ATP8B4: variants seen among roughly 807,000 people sequenced by gnomAD.
ATP8B4 encodes probable phospholipid-transporting ATPase IM.
A neutral mutation model predicts 145.6 loss-of-function variants in ATP8B4; 133 were observed. The observed-to-expected ratio is 0.91, with a 90% confidence interval of 0.79 to 1.05. The LOEUF is 1.05. Among genes scored for constraint, ATP8B4 ranks in the 50% least tolerant of loss-of-function variants. The pLI, the probability that ATP8B4 is intolerant of heterozygous loss-of-function variation, is 0.00. For missense variants in ATP8B4, 1,458 were observed against 1,425.2 expected (o/e 1.02, Z -0.37); for synonymous variants, 507 against 492.9 (o/e 1.03, Z -0.38).
chr15:49,862,201 A>G, intron 27 of ATP8B4, 44 bp downstream of exon 27: 1 of 1,589,000 alleles, frequency 6.3e-7, no homozygotes, highest in South Asian at 1.1e-5. Context: ...CCATTTCAAG[A>G]GCCAAAAACC....
chr15:49,995,687 C>T (rs2047366023), intron 9 of ATP8B4, among the ~76,000 whole-genome samples: 2 of 152,154 alleles, frequency 1.3e-5, no homozygotes, highest in Admixed American at 1.3e-4. Context: ...TATGCTAATA[C>T]CCTTGTCCAT....
upstream of ATP8B4, among the ~76,000 whole-genome samples, chr15:50,121,651 T>C (rs1245628134): frequency 1.3e-5 from 2 of 152,008 alleles, no homozygotes; most frequent in Non-Finnish European, 2.9e-5. Flanking sequence ...AAATTCTCGA[T>C]TTAGGATACA....
At chr15:50,078,428 G>C (rs1274284564) in intron 2 of ATP8B4, among the ~76,000 whole-genome samples, 1 of 151,864 alleles carries the variant, frequency 6.6e-6, no homozygotes, top group African/African-American at 2.4e-5. Flanking sequence ...ACAAGAAAAA[G>C]TCCCTAGAAA....
chr15:50,147,438 A>T lies in ATP8B4; in HGVS notation c.-43+34823T>A, dbSNP rs983396394. 3.1e-3 allele frequency among the ~76,000 whole-genome samples: 424 copies of T among 137,026 alleles called. 1 individual carries two copies. Among genetic ancestry groups the T allele is most frequent in the Middle Eastern group, 4.1e-3 (1 of 242 alleles). The allele number at this position is 137,026 out of a possible 152,430, so 89.9% of individuals were successfully genotyped here. On this transcript the variant is annotated intron_variant, in intron 1 of 3. Coordinates refer to the ATP8B4 transcript ENST00000558829. ...CTGTCTCCAAAAAAAAAAAAAAAAAAAAAGTATATACTTCCTATTTTGTCC... is the reference window on the plus strand; with the variant it reads ...CTGTCTCCAAAAAAAAAAAAAAAAATAAAGTATATACTTCCTATTTTGTCC...
intron 14 of ATP8B4, among the ~76,000 whole-genome samples, chr15:49,958,549 G>C (rs2043789334): frequency 6.6e-6 from 1 of 151,494 alleles, no homozygotes; most frequent in Non-Finnish European, 1.5e-5. Flanking sequence ...CAACACATAA[G>C]AAATAATAAA....
At chr15:50,004,691 T>A (rs912067116) in intron 7 of ATP8B4, among the ~76,000 whole-genome samples, 2 of 152,184 alleles carry the variant, frequency 1.3e-5, no homozygotes, top group Non-Finnish European at 2.9e-5. Context: ...ATCTCCACTT[T>A]ACAGATGAGC....
intron 1 of ATP8B4, among the ~76,000 whole-genome samples, chr15:50,133,397 G>A (rs1254570711): frequency 6.6e-6 from 1 of 151,468 alleles, no homozygotes; most frequent in African/African-American, 2.4e-5. Flanking sequence ...TGTGCAATAT[G>A]GGGAAACTTC....
intron 23 of ATP8B4, among the ~76,000 whole-genome samples, chr15:49,893,196 T>C (rs190814924): frequency 6.6e-6 from 1 of 152,332 alleles, no homozygotes; most frequent in East Asian, 1.9e-4. Flanking sequence ...GAGTCAAATA[T>C]AGTAGTGTTT....
At chr15:49,863,474 A>G (rs183850368) in intron 26 of ATP8B4, among the ~76,000 whole-genome samples, 68 of 152,304 alleles carry the variant, frequency 4.5e-4, no homozygotes, top group African/African-American at 1.5e-3. Flanking sequence ...TATCACCAAA[A>G]TAAACTTTTG....
intron 12 of ATP8B4, among the ~76,000 whole-genome samples, chr15:49,979,146 T>C (rs906677471): frequency 1.3e-5 from 2 of 152,084 alleles, no homozygotes; most frequent in Non-Finnish European, 2.9e-5. Context: ...TTTTCTTCAT[T>C]TTTAAAATGA....
At chr15:50,112,567 T>C (rs989936936) in intron 1 of ATP8B4, among the ~76,000 whole-genome samples, 6 of 151,910 alleles carry the variant, frequency 3.9e-5, no homozygotes, top group African/African-American at 1.5e-4. Context: ...GGAGGCAGAG[T>C]GTTACACAGG....
At chr15:50,141,326 C>T (rs2044206344) in intron 1 of ATP8B4, among the ~76,000 whole-genome samples, 1 of 151,874 alleles carries the variant, frequency 6.6e-6, no homozygotes, top group South Asian at 2.1e-4. Context: ...GTGAAAGTTT[C>T]CAGACTCTCC....
chr15:50,018,954 C>G (rs1195606433), intron 6 of ATP8B4: 6 of 1,254,168 alleles, frequency 4.8e-6, no homozygotes, highest in Non-Finnish European at 6.3e-6. Context: ...GTCATTAAAC[C>G]CTCAGCTTTG....
chr15:49,959,345 T>C (rs955176638), intron 14 of ATP8B4, among the ~76,000 whole-genome samples: 2 of 152,038 alleles, frequency 1.3e-5, no homozygotes, highest in South Asian at 2.1e-4. Flanking sequence ...AATATATCTA[T>C]TCTAATCCAA....
At chr15:49,870,357 G>A (rs993577333) in intron 25 of ATP8B4, among the ~76,000 whole-genome samples, 2 of 152,132 alleles carry the variant, frequency 1.3e-5, no homozygotes, top group East Asian at 1.9e-4. Context: ...CATCATAGTA[G>A]TTAAAGAAGG....
intron 25 of ATP8B4, 123 bp downstream of exon 25, chr15:49,876,155 A>G: frequency 3.0e-6 from 4 of 1,338,018 alleles, no homozygotes; most frequent in Non-Finnish European, 4.0e-6. Flanking sequence ...TGTGTACTTA[A>G]AAGGACAGCC....
chr15:49,914,642 A>G (rs183306746), intron 20 of ATP8B4, among the ~76,000 whole-genome samples: 2 of 152,278 alleles, frequency 1.3e-5, no homozygotes, highest in Admixed American at 1.3e-4. Context: ...AAACAATCCC[A>G]TTAAAAAGCA....
intron 2 of ATP8B4, among the ~76,000 whole-genome samples, chr15:50,093,588 AAAG>A (rs138851803): frequency 0.011 from 1,618 of 152,202 alleles, 28 homozygotes; most frequent in African/African-American, 0.037. Flanking sequence ...AAGGCAATAA[AAAG>A]AAAATCAATG....
intron 2 of ATP8B4, among the ~76,000 whole-genome samples, chr15:50,085,140 A>G (rs1162172775): frequency 6.6e-6 from 1 of 151,996 alleles, no homozygotes; most frequent in African/African-American, 2.4e-5. Context: ...CATCTACCCC[A>G]TTACCTCCCT....
Sources: gnomAD v4.1 joint callset for allele counts (sites outside exome capture counted in the v4.1 genomes callset) on GRCh38, gnomAD v4.1.1 for gene constraint, MANE v1.5 for transcripts, NCBI Gene and HGNC (gene_info 2026-07-23, HGNC 2026-07-21) for gene names.